Variants in CRACDL observed in about 807,000 individuals in gnomAD.
CRACDL encodes CRACD-like protein.
In CRACDL, 26 loss-of-function variants were observed where a neutral mutation model predicts 70.6. That is an observed-to-expected ratio of 0.37 (90% CI 0.27 to 0.51). The LOEUF (loss-of-function observed/expected upper bound fraction) is 0.51, where lower values mean the gene tolerates loss of function less well. Among genes scored for constraint, CRACDL ranks in the 20% least tolerant of loss-of-function variants. The pLI is 0.94. For synonymous variants in CRACDL, 618 were observed against 615.2 expected, an observed-to-expected ratio of 1.00 and a Z score of -0.07; for missense variants, 1,283 against 1,376.9, an observed-to-expected ratio of 0.93 and a Z score of 1.08.
At chr2:98,856,915 T>A (rs1280095260) in intron 1 of CRACDL, among the ~76,000 whole-genome samples, 1 of 152,144 alleles carries the variant, frequency 6.6e-6, no homozygotes, top group African/African-American at 2.4e-5. Context: ...CATGATTCTT[T>A]TATTAGGAGT....
rs1703812422 is a variant in CRACDL at position 98,796,184 on chromosome 2, C to G, written c.2685G>C (p.Gln895His). The change falls in exon 9 of 10, where the codon CAG (glutamine) becomes CAC (histidine). Residue 895 changes from glutamine to histidine, a missense_variant. Transcript: ENST00000397899. ...TPVKPAVDRK[Q>H]GAKLNFKEGL... The stretch of plus-strand genomic sequence containing the variant: ...CCTCCTTGAAGTTGAGCTTTGCCCC[C>G]TGCTTCCGGTCCACAGCGGGCTTCA... The G allele has an allele frequency of 6.2e-7, 1 of 1,614,234 alleles. No homozygotes were observed.
chr2:98,883,207 G>A (rs927108125), intron 1 of CRACDL, among the ~76,000 whole-genome samples: 1 of 152,222 alleles, frequency 6.6e-6, no homozygotes, highest in Non-Finnish European at 1.5e-5. Context: ...TGGGAGCAGG[G>A]GCGGGGTGCC....
Position 98,822,350 on chromosome 2 carries a change from C to T in CRACDL, c.1923G>A (p.Gly641=), listed in dbSNP as rs1029563600. The change falls in exon 7 of 10, where the codon GGG becomes GGA. Residue 641 remains glycine, a synonymous_variant. Coordinates refer to ENST00000397899, the MANE Select transcript of CRACDL (RefSeq NM_207362.3). This position sits in a 1 kb window ranked among gnomAD's most constrained non-coding sequence, Gnocchi z 4.9. ...GCCCGGCCGGGCTGGCCGCCCTGTC[C>T]CCCGAGTCCTGAGGGCCGCGCTCCG... The part of the protein sequence containing the change: ...KLAERGPQDS[G]DRAASPAGPR... 54 of 1,462,242 alleles carry T rather than the reference C, an allele frequency of 3.7e-5. No homozygotes were observed. The highest frequency in any genetic ancestry group is 4.5e-5 in the African/African-American group (3 of 67,118). 90.6% of individuals were successfully genotyped at this position (1,462,242 alleles called of 1,614,324 possible).
chr2:98,821,816 C>A (rs767851381), intron 7 of CRACDL, 41 bp downstream of exon 7: 9 of 1,597,872 alleles, frequency 5.6e-6, no homozygotes, highest in Non-Finnish European at 7.7e-6. Context: ...ATGTGGATCT[C>A]CCCAGGCCCT....
intron 1 of CRACDL, among the ~76,000 whole-genome samples, chr2:98,895,488 G>T (rs551311914): frequency 3.0e-4 from 46 of 152,304 alleles, no homozygotes; most frequent in African/African-American, 1.1e-3. Flanking sequence ...CCAGGGAATG[G>T]CAGATGTAGA....
chr2:98,848,663 A>G (rs1189256361), intron 1 of CRACDL, among the ~76,000 whole-genome samples: 4 of 152,210 alleles, frequency 2.6e-5, no homozygotes, highest in Non-Finnish European at 5.9e-5. Flanking sequence ...AGCTCACTGC[A>G]TCCTCAACCT....
Position 98,797,425 on chromosome 2 carries a change from G to A in CRACDL, c.2529C>T (p.Asn843=). ...KRRGTLDQPP[N]QEDKPGARTL... is the part of the protein sequence containing the mutation. ...TCCGTGCCCCAGGCTTGTCTTCCTG[G>A]TTGGGTGGCTGGTCCAAGGTCCCCC... Residue 843 remains asparagine, a synonymous_variant, in exon 8 of 10, where the codon AAC becomes AAT. Transcript: ENST00000397899. 2 of 1,614,234 alleles carry A rather than the reference G, an allele frequency of 1.2e-6. No individual in the cohort carries two copies. Among genetic ancestry groups the A allele is most frequent in the South Asian group, 2.2e-5 (2 of 91,088 alleles).
At chr2:98,817,267 T>C (rs928464613) in intron 7 of CRACDL, among the ~76,000 whole-genome samples, 2 of 152,158 alleles carry the variant, frequency 1.3e-5, no homozygotes, top group Admixed American at 1.3e-4. Context: ...GAAGAGTACG[T>C]TCTAGAGATC....
At chr2:98,821,043 GAGA>G (rs1439168179) in intron 7 of CRACDL, among the ~76,000 whole-genome samples, 2 of 152,212 alleles carry the variant, frequency 1.3e-5, no homozygotes, top group African/African-American at 4.8e-5. Context: ...TCAAAAGTGG[GAGA>G]AGAATTTGAG....
chr2:98,832,994 C>T lies in CRACDL; in HGVS notation c.243G>A (p.Glu81=). The change falls in exon 4 of 10, where the codon GAG becomes GAA. Residue 81 remains glutamate, a synonymous_variant. Coordinates refer to ENST00000397899, the MANE Select transcript of CRACDL (RefSeq NM_207362.3). Reference sequence around the variant, plus strand: ...CCCGGCTGCCCAGCGTGCCCCTCGACTCCCTAGGATAAAAGAGCCACTGTG... The same window carrying T: ...CCCGGCTGCCCAGCGTGCCCCTCGATTCCCTAGGATAAAAGAGCCACTGTG... ...VGYDSEDELE[E]SRGTLGSRAL... 6.2e-7 allele frequency: 1 copy of T among 1,612,298 alleles called. No homozygotes were observed. Among genetic ancestry groups the T allele is most frequent in the Admixed American group, 1.7e-5 (1 of 59,666 alleles).
chr2:98,914,496 T>C (rs929969329), intron 1 of CRACDL, among the ~76,000 whole-genome samples: 1 of 152,062 alleles, frequency 6.6e-6, no homozygotes, highest in Non-Finnish European at 1.5e-5. Context: ...CCCGCTGAGG[T>C]GGGGGGCTCT....
At chr2:98,870,004 C>T (rs1015709816) in intron 1 of CRACDL, among the ~76,000 whole-genome samples, 2 of 152,166 alleles carry the variant, frequency 1.3e-5, no homozygotes, top group African/African-American at 4.8e-5. Context: ...CCTGCCCAGC[C>T]GGCTCCCCAG....
chr2:98,840,996 C>T (rs1706003458), intron 2 of CRACDL, among the ~76,000 whole-genome samples: 1 of 151,954 alleles, frequency 6.6e-6, no homozygotes, highest in African/African-American at 2.4e-5. Flanking sequence ...AATTTGAGAC[C>T]CTCAACTGGT....
chr2:98,900,998 T>C (rs889298759), intron 1 of CRACDL, among the ~76,000 whole-genome samples: 3 of 152,166 alleles, frequency 2.0e-5, no homozygotes, highest in African/African-American at 7.2e-5. Context: ...GCTGAGCCCT[T>C]CCCCTCACTT....
chr2:98,879,831 C>T (rs1269302716), intron 1 of CRACDL, among the ~76,000 whole-genome samples: 1 of 152,234 alleles, frequency 6.6e-6, no homozygotes, highest in Non-Finnish European at 1.5e-5. Flanking sequence ...CAGGCGTGAG[C>T]CACTGTGCGC....
chr2:98,909,197 A>G (rs911049815), intron 1 of CRACDL, among the ~76,000 whole-genome samples: 7 of 152,242 alleles, frequency 4.6e-5, no homozygotes, highest in African/African-American at 1.4e-4. Flanking sequence ...TTCTCTGCAC[A>G]TCAGGAGATT....
chr2:98,882,263 T>G (rs1445699443), intron 1 of CRACDL, among the ~76,000 whole-genome samples: 1 of 152,218 alleles, frequency 6.6e-6, no homozygotes, highest in Non-Finnish European at 1.5e-5. Context: ...CCAGCAGGGC[T>G]AGAAATTGTG....
At chr2:98,897,591 A>T (rs887291696) in intron 1 of CRACDL, 1 of 265,770 alleles carries the variant, frequency 3.8e-6, no homozygotes, top group African/African-American at 2.2e-5. Context: ...AAGGAGAAAA[A>T]TTAACCTTTA....
At chr2:98,865,300 G>A (rs375600331) in intron 1 of CRACDL, among the ~76,000 whole-genome samples, 3 of 151,910 alleles carry the variant, frequency 2.0e-5, no homozygotes, top group Admixed American at 6.6e-5. Context: ...TTCCACTTCC[G>A]CAGGAAGACC....
Sources: gnomAD v4.1 joint callset for allele counts (sites outside exome capture counted in the v4.1 genomes callset) on GRCh38, gnomAD v4.1.1 for gene constraint, Gnocchi (gnomAD v3.1) non-coding constraint, MANE v1.5 for transcripts, NCBI Gene and HGNC (gene_info 2026-07-23, HGNC 2026-07-21) for gene names.